LAMA3: variants seen among roughly 807,000 people sequenced by gnomAD.
LAMA3 encodes the protein laminin subunit alpha 3.
Under a neutral mutation model 402.0 loss-of-function variants are expected in LAMA3, and 281 were observed. The observed-to-expected ratio is 0.70, with a 90% CI of 0.63 to 0.77. The LOEUF (loss-of-function observed/expected upper bound fraction) is 0.77. Ranked by LOEUF, LAMA3 falls within the 30% of genes least tolerant of loss-of-function variation. LAMA3 has a pLI of 0.00. For missense variants in LAMA3, 3,840 were observed against 4,215.5 expected (o/e 0.91, Z 2.47); for synonymous variants, 1,431 against 1,558.4 (o/e 0.92, Z 1.93).
At chr18:23,904,204 G>C in intron 50 of LAMA3, 117 bp downstream of exon 50, 1 of 1,191,624 alleles carries the variant, frequency 8.4e-7, no homozygotes, top group Non-Finnish European at 1.2e-6. Context: ...GTGGAGGGCG[G>C]AGGGTGGGGT....
At chr18:23,729,391 A>ACAGATATTTG (rs1296973759) in intron 2 of LAMA3, among the ~76,000 whole-genome samples, 1 of 152,230 alleles carries the variant, frequency 6.6e-6, no homozygotes, top group Admixed American at 6.5e-5. Context: ...TACATATGCA[A>ACAGATATTTG]CAGATAGTAA....
At position 23,717,719 on chromosome 18, in the gene LAMA3, AATTTTTTTTTTTT is replaced by A. The variant is rs2061132736; in HGVS notation, c.447+3648_447+3660del. On this transcript the variant is annotated intron_variant, in intron 2 of 74. Transcript: ENST00000313654. ...AGGTGCCCACCACCATGCCTGGCTAAATTTTTTTTTTTTTTTTTTTTTTTTTTTTTTAGTAGAG... is the reference window on the plus strand; with the variant it reads ...AGGTGCCCACCACCATGCCTGGCTAATTTTTTTTTTTTTTTTTTAGTAGAG... 5.1e-5 allele frequency among the ~76,000 whole-genome samples: 6 copies of A among 116,812 alleles called. No homozygotes were observed. In the East Asian group the frequency reaches 1.1e-3, roughly 22 times the overall value. The allele number at this position is 116,812 out of a possible 152,430, so 76.6% of individuals were successfully genotyped here.
intron 2 of LAMA3, among the ~76,000 whole-genome samples, chr18:23,735,985 T>C (rs1167455928): frequency 1.3e-5 from 2 of 152,128 alleles, no homozygotes; most frequent in South Asian, 4.1e-4. Context: ...CTCTTTCTTA[T>C]TTGTTAATTG....
chr18:23,884,701 T>G, intron 40 of LAMA3, 72 bp from the exon 41 acceptor site: 1 of 1,339,732 alleles, frequency 7.5e-7, no homozygotes, highest in Non-Finnish European at 1.1e-6. Context: ...AGCCAGTCCT[T>G]TGTGGTAAAA....
At chr18:23,849,794 A>G (rs2063903337) in intron 32 of LAMA3, among the ~76,000 whole-genome samples, 1 of 152,362 alleles carries the variant, frequency 6.6e-6, no homozygotes, top group Admixed American at 6.5e-5. Flanking sequence ...GACTTGTATT[A>G]CACTTAAACC....
At position 23,819,918 on chromosome 18, in the gene LAMA3, G is replaced by A. The variant is rs200737442; in HGVS notation, c.2225G>A (p.Arg742Lys). The A allele has an allele frequency of 6.9e-5, 111 of 1,614,022 alleles. No homozygotes were observed. Among genetic ancestry groups the A allele is most frequent in the Non-Finnish European group, 9.1e-5 (107 of 1,180,004 alleles). The change falls in exon 19 of 75, where the codon AGA (arginine) becomes AAA (lysine). Residue 742 changes from arginine (R) to lysine (K), a missense_variant. Transcript: ENST00000313654. ...GAAGACGGCAGCACACCTAATGGGA[G>A]AGACCTTCGATTTGGATTTGATCCG... ...EIEDGSTPNG[R>K]DLRFGFDPLA...
At chr18:23,941,063 G>A (rs2082491201) in intron 68 of LAMA3, among the ~76,000 whole-genome samples, 1 of 151,624 alleles carries the variant, frequency 6.6e-6, no homozygotes, top group Non-Finnish European at 1.5e-5. Flanking sequence ...AGCCTCCTGA[G>A]TAGCTGGGAC....
At chr18:23,716,949 A>G (rs751515683) in intron 2 of LAMA3, among the ~76,000 whole-genome samples, 1 of 152,258 alleles carries the variant, frequency 6.6e-6, no homozygotes, top group East Asian at 1.9e-4. Flanking sequence ...AAACTTCTTT[A>G]GAGCAGTCGT....
At chr18:23,874,678 G>T (rs1180206845) in intron 38 of LAMA3, among the ~76,000 whole-genome samples, 1 of 152,212 alleles carries the variant, frequency 6.6e-6, no homozygotes, top group Admixed American at 6.5e-5. Context: ...TTATGGCCAT[G>T]AGTGAATAAG....
At chr18:23,872,836 C>T (rs577942579) in intron 38 of LAMA3, 65 of 590,396 alleles carry the variant, frequency 1.1e-4, no homozygotes, top group Admixed American at 6.0e-4. Context: ...CCCCACCTCA[C>T]AGGAATTACA....
chr18:23,904,802 C>T, intron 51 of LAMA3, 108 bp downstream of exon 51: 1 of 1,239,304 alleles, frequency 8.1e-7, no homozygotes, highest in Non-Finnish European at 1.1e-6. Context: ...TATTTTAAAT[C>T]AGAACTTGTT....
intron 6 of LAMA3, among the ~76,000 whole-genome samples, chr18:23,754,081 C>A (rs1321761783): frequency 1.3e-5 from 2 of 152,136 alleles, no homozygotes; most frequent in Non-Finnish European, 2.9e-5. Context: ...CCAAGACATA[C>A]CTCAGGCAGC....
At position 23,775,864 on chromosome 18, in the gene LAMA3, T is replaced by G; in HGVS notation, c.1346T>G (p.Phe449Cys). Residue 449 changes from phenylalanine (F) to cysteine (C), a missense_variant, in exon 10 of 75, where the codon TTC (phenylalanine) becomes TGC (cysteine). This residue lies in a region of LAMA3 where 2,109 missense variants were observed against 2,376.0 expected (regional missense o/e 0.89). Coordinates refer to ENST00000313654, the MANE Select transcript of LAMA3 (RefSeq NM_198129.4). Reference sequence around the variant, plus strand: ...GGCCGCTGTCACTGCAAGCCAAATTTCCACGGAGACAACTGTGAGAAGTGT... The same window carrying G: ...GGCCGCTGTCACTGCAAGCCAAATTGCCACGGAGACAACTGTGAGAAGTGT... ...GSGRCHCKPNFHGDNCEKCAI... is the reference protein window; with the variant it reads ...GSGRCHCKPNCHGDNCEKCAI... 1 of 1,614,100 alleles carries G rather than the reference T, an allele frequency of 6.2e-7. No individual in the cohort carries two copies. The highest frequency in any genetic ancestry group is 8.5e-7 in the Non-Finnish European group (1 of 1,179,940).
intron 13 of LAMA3, among the ~76,000 whole-genome samples, chr18:23,811,197 A>G (rs1326160270): frequency 6.6e-6 from 1 of 152,072 alleles, no homozygotes; most frequent in East Asian, 1.9e-4. Flanking sequence ...AGGGGACAGA[A>G]ATGAGATGTC....
At chr18:23,869,462 A>G (rs1365596548) in intron 37 of LAMA3, among the ~76,000 whole-genome samples, 1 of 152,202 alleles carries the variant, frequency 6.6e-6, no homozygotes, top group Non-Finnish European at 1.5e-5. Flanking sequence ...AATGTTCTAA[A>G]ATTACATTAT....
chr18:23,926,989 A>G (rs1323630756), intron 62 of LAMA3, among the ~76,000 whole-genome samples: 3 of 152,198 alleles, frequency 2.0e-5, no homozygotes, highest in Non-Finnish European at 4.4e-5. Context: ...CCCATTGTCT[A>G]AATGAGGAAA....
rs1012996043 is a variant in LAMA3 at position 23,693,123 on chromosome 18, C to T, written c.294+3146C>T. 2.0e-4 allele frequency among the ~76,000 whole-genome samples: 31 copies of T among 152,272 alleles called. 1 individual carries two copies. The highest frequency in any genetic ancestry group is 7.0e-4 in the African/African-American group (29 of 41,544). ...CTTTGGGAGGCCGAGGTGGGCGGAT[C>T]GCCTGAGGTTGGACGTTCAAGACCA... On this transcript the variant is annotated intron_variant, in intron 1 of 74. Coordinates refer to ENST00000313654, the MANE Select transcript of LAMA3 (RefSeq NM_198129.4).
At chr18:23,715,251 A>G (rs796121417) in intron 2 of LAMA3, among the ~76,000 whole-genome samples, 1 of 152,032 alleles carries the variant, frequency 6.6e-6, no homozygotes, top group African/African-American at 2.4e-5. Flanking sequence ...ATGGGTGAAC[A>G]GTATGGTATG....
chr18:23,915,969 G>GCACTC (rs1259973026), intron 59 of LAMA3, among the ~76,000 whole-genome samples: 1 of 117,900 alleles, frequency 8.5e-6, no homozygotes, highest in African/African-American at 3.3e-5. Context: ...TCATGCCACT[G>GCACTC]CACTCCAGCC....
Sources: gnomAD v4.1 joint callset for allele counts (sites outside exome capture counted in the v4.1 genomes callset) on GRCh38, gnomAD v4.1.1 for gene constraint, gnomAD v4.1.1 regional missense constraint, MANE v1.5 for transcripts, NCBI Gene and HGNC (gene_info 2026-07-23, HGNC 2026-07-21) for gene names.